The following GRK1 variants were observed in gnomAD, a reference collection of about 807,000 sequenced individuals.
The protein encoded by GRK1 is rhodopsin kinase GRK1.
A neutral mutation model predicts 41.7 loss-of-function variants in GRK1; 28 were observed. The ratio of observed to expected loss-of-function variants is 0.67; its 90% confidence interval spans 0.50 to 0.92. GRK1 has a LOEUF of 0.92. Among genes scored for constraint, GRK1 ranks in the 40% least tolerant of loss-of-function variants. The pLI, the probability that GRK1 is intolerant of heterozygous loss-of-function variation, is 0.00. For missense variants in GRK1, 703 were observed against 671.2 expected (o/e 1.05, Z -0.52); for synonymous variants, 327 against 286.7 (o/e 1.14, Z -1.42).
At chr13:113,663,920 T>C (rs1333463517), upstream of GRK1, among the ~76,000 whole-genome samples, 4 of 152,194 alleles carry the variant, frequency 2.6e-5, no homozygotes, top group Non-Finnish European at 5.9e-5. Flanking sequence ...ATTACGACAC[T>C]TTTAGGCATT....
intron 5 of GRK1, among the ~76,000 whole-genome samples, chr13:113,732,127 G>A (rs544869949): frequency 1.3e-5 from 2 of 152,184 alleles, no homozygotes; most frequent in African/African-American, 2.4e-5. Flanking sequence ...GCTGCCTCTC[G>A]TTGGACGGAG....
Position 113,724,189 on chromosome 13 carries a change from C to T in GRK1, c.1069+1032C>T, listed in dbSNP as rs141228383. ...GGGCCCAGCACCTGCTGGCGTGTGG[C>T]CTGTGTGCTTTACTTAACCTCCGAG... On this transcript the variant is annotated intron_variant, in intron 4 of 6. Coordinates refer to ENST00000335678, the MANE Select transcript of GRK1 (RefSeq NM_002929.3). Among the ~76,000 whole-genome samples the T allele has an allele frequency of 3.7e-4, 56 of 152,294 alleles. 1 individual carries two copies. The East Asian group carries it at 4.8e-3, about 13-fold the overall frequency.
At chr13:113,735,040 T>C in intron 6 of GRK1, 28 bp from the exon 7 acceptor site, 2 of 1,467,582 alleles carry the variant, frequency 1.4e-6, no homozygotes, top group Non-Finnish European at 1.8e-6. Flanking sequence ...ACGAGGAGCC[T>C]GGCGTCTGTG....
Position 113,737,427 on chromosome 13 carries a change from C to T in GRK1, c.*2064C>T, listed in dbSNP as rs1173173312. The T allele has an allele frequency of 2.0e-5, 2 of 97,788 alleles. No homozygotes were observed. The highest frequency in any genetic ancestry group is 6.5e-5 in the African/African-American group (1 of 15,460). The allele number at this position is 97,788 out of a possible 1,614,324, so 6.1% of individuals were successfully genotyped here. On this transcript the variant is annotated 3_prime_UTR_variant, in exon 7 of 7. Coordinates refer to ENST00000335678, the MANE Select transcript of GRK1 (RefSeq NM_002929.3). ...GGAGCACGTCTTCCCATAGATCCCA[C>T]ATCGGCCACACCCTGGGTGAGGAGC... is the stretch of plus-strand genomic sequence containing the variant.
the GRK1 span, chr13:113,650,594 C>G: frequency 9.8e-7 from 1 of 1,025,290 alleles, no homozygotes; most frequent in South Asian, 1.5e-5. This position sits in a 1 kb window ranked among gnomAD's most constrained non-coding sequence, Gnocchi z 5.0. Flanking sequence ...TGTGTGCACA[C>G]ACGCGCTGTG....
the GRK1 span, chr13:113,653,012 T>C: frequency 6.2e-7 from 1 of 1,614,144 alleles, no homozygotes; most frequent in Non-Finnish European, 8.5e-7. Flanking sequence ...GAAACTCTCC[T>C]GGAAGAAGTA....
chr13:113,650,675 G>A, the GRK1 span, among the ~76,000 whole-genome samples: 5 of 152,176 alleles, frequency 3.3e-5, no homozygotes, highest in African/African-American at 9.7e-5. The surrounding 1 kb of genome is among the most constrained non-coding windows in gnomAD (Gnocchi z 5.0). Context: ...TCAGTGCTGA[G>A]ATCTCAGCAA....
At chr13:113,727,530 TGAGTACCCATGGCAATGAG>T (rs1203372766) in intron 4 of GRK1, among the ~76,000 whole-genome samples, 2 of 151,822 alleles carry the variant, frequency 1.3e-5, no homozygotes, top group African/African-American at 2.4e-5. Flanking sequence ...ATCCCCATCA[TGAGTACCCATGGCAATGAG>T]GAGTACCCAT....
Position 113,723,172 on chromosome 13 carries a change from G to A in GRK1, c.1069+15G>A, listed in dbSNP as rs922159769. ...AGGGACCCCAGGTAAGGGTCTGAGCGCAGCTGGGGAGGCTCCGTGCATGGG... is the reference window on the plus strand; with the variant it reads ...AGGGACCCCAGGTAAGGGTCTGAGCACAGCTGGGGAGGCTCCGTGCATGGG... On this transcript the variant is annotated intron_variant, in intron 4 of 6. Coordinates refer to ENST00000335678, the MANE Select transcript of GRK1 (RefSeq NM_002929.3). 1.1e-5 allele frequency: 8 copies of A among 697,590 alleles called. No individual in the cohort carries two copies. Among genetic ancestry groups the A allele is most frequent in the African/African-American group, 8.8e-5 (5 of 56,722 alleles). 43.2% of individuals were successfully genotyped at this position (697,590 alleles called of 1,614,324 possible).
At chr13:113,730,507 G>A (rs1321362939) in intron 4 of GRK1, among the ~76,000 whole-genome samples, 1 of 149,954 alleles carries the variant, frequency 6.7e-6, no homozygotes, top group Admixed American at 6.6e-5. Context: ...GACAGTCCCC[G>A]GGGCTGAGCC....
the GRK1 span, among the ~76,000 whole-genome samples, chr13:113,660,699 A>C: frequency 6.6e-6 from 1 of 152,254 alleles, no homozygotes; most frequent in Non-Finnish European, 1.5e-5. Context: ...AAAATTAAAA[A>C]ATTCTAAAAA....
At chr13:113,733,786 CAT>C (rs1491274586) in intron 6 of GRK1, among the ~76,000 whole-genome samples, 3 of 108,606 alleles carry the variant, frequency 2.8e-5, no homozygotes, top group Admixed American at 1.9e-4. Context: ...TACGTGTGTG[CAT>C]GTGTGTATGT....
At chr13:113,672,002 GCCAGGGC>G (rs2049860817) in intron 3 of GRK1, among the ~76,000 whole-genome samples, 1 of 152,044 alleles carries the variant, frequency 6.6e-6, no homozygotes. Flanking sequence ...CGAGACACGT[GCCAGGGC>G]CCTGAGAGAG....
Position 113,733,849 on chromosome 13 carries a change from GTA to G in GRK1, c.1396+766_1396+767del, listed in dbSNP as rs765793857. Reference sequence around the variant, plus strand: ...TGTGTGTGCACGTGCGTGTGCATGTGTATGTGTGCATACGTGTGTGCGTGTGT... The same window carrying G: ...TGTGTGTGCACGTGCGTGTGCATGTGTGTGTGCATACGTGTGTGCGTGTGT... On this transcript the variant is annotated intron_variant, in intron 6 of 6. Coordinates refer to ENST00000335678, the MANE Select transcript of GRK1 (RefSeq NM_002929.3). 1.3e-4 allele frequency among the ~76,000 whole-genome samples: 17 copies of G among 131,282 alleles called. 1 individual carries two copies. Among genetic ancestry groups the G allele is most frequent in the South Asian group, 1.3e-3 (5 of 3,910 alleles). The allele number at this position is 131,282 out of a possible 152,430, so 86.1% of individuals were successfully genotyped here.
chr13:113,733,820 TGC>T (rs1594582019), intron 6 of GRK1, among the ~76,000 whole-genome samples: 3 of 145,812 alleles, frequency 2.1e-5, no homozygotes, highest in Admixed American at 6.7e-5. Flanking sequence ...CATACGTGTG[TGC>T]GTGTGTGTGC....
intron 3 of GRK1, 26 bp from the exon 4 acceptor site, chr13:113,723,048 G>C: frequency 1.4e-6 from 1 of 697,140 alleles, no homozygotes; most frequent in Non-Finnish European, 2.6e-6. Flanking sequence ...GTGCAGCCAG[G>C]GGTGACTCCG....
the GRK1 span, among the ~76,000 whole-genome samples, chr13:113,661,302 G>GA: frequency 2.6e-5 from 4 of 151,904 alleles, no homozygotes; most frequent in Admixed American, 1.3e-4. Flanking sequence ...ACTGAATGAA[G>GA]AAAAAATACA....
chr13:113,733,958 A>T (rs1417652602), intron 6 of GRK1, among the ~76,000 whole-genome samples: 3 of 111,560 alleles, frequency 2.7e-5, no homozygotes, highest in Non-Finnish European at 3.6e-5. Context: ...GTGTGTGCAT[A>T]CGTGTGTGTG....
At chr13:113,651,517 G>A in the GRK1 span, among the ~76,000 whole-genome samples, 4 of 152,244 alleles carry the variant, frequency 2.6e-5, no homozygotes, top group Non-Finnish European at 5.9e-5. Context: ...GGTGGAGCTC[G>A]CTGTGGTGAT....
Sources: gnomAD v4.1 joint callset for allele counts (sites outside exome capture counted in the v4.1 genomes callset) on GRCh38, gnomAD v4.1.1 for gene constraint, Gnocchi (gnomAD v3.1) non-coding constraint, MANE v1.5 for transcripts, NCBI Gene and HGNC (gene_info 2026-07-23, HGNC 2026-07-21) for gene names.